Variants in SEL1L3 observed in about 807,000 individuals in gnomAD.
The protein encoded by SEL1L3 is protein sel-1 homolog 3.
A neutral mutation model predicts 142.8 loss-of-function variants in SEL1L3; 76 were observed. That is an observed-to-expected ratio of 0.53 (90% CI 0.44 to 0.64). The LOEUF (loss-of-function observed/expected upper bound fraction) is 0.64, where lower values mean the gene tolerates loss of function less well. Among genes scored for constraint, SEL1L3 ranks in the 30% least tolerant of loss-of-function variants. The pLI is 0.00. For synonymous variants in SEL1L3, 504 were observed against 519.6 expected (o/e 0.97, Z 0.41); for missense variants, 1,262 against 1,381.7 (o/e 0.91, Z 1.37).
At chr4:25,777,919 T>C (rs1719745877) in intron 16 of SEL1L3, 1 of 454,450 alleles carries the variant, frequency 2.2e-6, no homozygotes, top group Non-Finnish European at 4.4e-6. Flanking sequence ...GTAAATATCT[T>C]AAGCTTTGTG....
chr4:25,799,520 G>A (rs541753911), intron 11 of SEL1L3, among the ~76,000 whole-genome samples: 38 of 152,136 alleles, frequency 2.5e-4, no homozygotes, highest in Admixed American at 3.3e-4. Flanking sequence ...CTCAACATAC[G>A]GATTTTGGCA....
intron 6 of SEL1L3, among the ~76,000 whole-genome samples, chr4:25,823,279 G>A (rs1342788354): frequency 1.3e-5 from 2 of 152,210 alleles, no homozygotes; most frequent in Non-Finnish European, 2.9e-5. Flanking sequence ...ACTTTGGGAG[G>A]CCAAGGTGGG....
intron 1 of SEL1L3, among the ~76,000 whole-genome samples, chr4:25,856,085 C>T (rs181466888): frequency 1.5e-4 from 23 of 152,294 alleles, no homozygotes; most frequent in Admixed American, 1.4e-3. Flanking sequence ...GCTATTTGGT[C>T]CCTCTAGACC....
chr4:25,714,936 GA>G, the SEL1L3 span, among the ~76,000 whole-genome samples: 1 of 151,856 alleles, frequency 6.6e-6, no homozygotes. Context: ...ATCAGATCAG[GA>G]AAAAACCTAA....
At chr4:25,855,342 T>C (rs1717182966) in intron 1 of SEL1L3, among the ~76,000 whole-genome samples, 1 of 152,230 alleles carries the variant, frequency 6.6e-6, no homozygotes, top group Admixed American at 6.5e-5. Flanking sequence ...AGCTAAAAAT[T>C]TATCTGCATG....
intron 12 of SEL1L3, 129 bp downstream of exon 12, chr4:25,790,326 C>T: frequency 1.2e-6 from 1 of 865,654 alleles, no homozygotes; most frequent in Non-Finnish European, 1.9e-6. Flanking sequence ...CCCTATTGGA[C>T]ATGCAGTGTG....
chr4:25,858,998 G>A (rs1230126516), intron 1 of SEL1L3, among the ~76,000 whole-genome samples: 2 of 152,188 alleles, frequency 1.3e-5, no homozygotes, highest in Non-Finnish European at 2.9e-5. Flanking sequence ...GCCATCCTGA[G>A]ATTTATCTTT....
intron 5 of SEL1L3, among the ~76,000 whole-genome samples, chr4:25,832,023 A>G (rs551428103): frequency 5.7e-4 from 87 of 152,344 alleles, no homozygotes; most frequent in African/African-American, 1.8e-3. Context: ...CAACCAAGCT[A>G]TTATGGCCAT....
rs1435055429 is a variant in SEL1L3 at position 25,779,216 on chromosome 4, A to G, written c.2458-13T>C. ...CACCAGCTAAAGTCTGTAACAAGAGATGAACAAACATCGAGTCATCCTAGC... is the reference window on the plus strand; with the variant it reads ...CACCAGCTAAAGTCTGTAACAAGAGGTGAACAAACATCGAGTCATCCTAGC... On this transcript the variant is annotated splice_polypyrimidine_tract_variant and intron_variant, in intron 15 of 23. Coordinates refer to ENST00000399878, the MANE Select transcript of SEL1L3 (RefSeq NM_015187.5). 1.2e-6 allele frequency: 2 copies of G among 1,611,870 alleles called. No homozygotes were observed. Among genetic ancestry groups the G allele is most frequent in the Admixed American group, 1.7e-5 (1 of 59,846 alleles).
At chr4:25,846,871 C>T (rs1453126039) in intron 2 of SEL1L3, among the ~76,000 whole-genome samples, 7 of 144,190 alleles carry the variant, frequency 4.9e-5, no homozygotes, top group African/African-American at 1.6e-4. Context: ...TGAGATCTCG[C>T]CACTGCACTC....
At chr4:25,727,086 T>G in the SEL1L3 span, among the ~76,000 whole-genome samples, 1 of 61,508 alleles carries the variant, frequency 1.6e-5, no homozygotes, top group African/African-American at 9.5e-5. Context: ...GGAGTCTCGC[T>G]CTGTCACCCA....
At chr4:25,785,485 A>C (rs1365051983) in intron 13 of SEL1L3, among the ~76,000 whole-genome samples, 1 of 152,256 alleles carries the variant, frequency 6.6e-6, no homozygotes, top group Admixed American at 6.5e-5. Context: ...TCCAGGAACC[A>C]TGCAGGATAT....
intron 11 of SEL1L3, among the ~76,000 whole-genome samples, chr4:25,794,428 A>T (rs1032918634): frequency 6.6e-6 from 1 of 152,218 alleles, no homozygotes; most frequent in Non-Finnish European, 1.5e-5. Flanking sequence ...GGGGAAAAAA[A>T]GCTCAACATC....
Position 25,788,300 on chromosome 4 carries a change from A to G in SEL1L3, c.2141T>C (p.Ile714Thr). The part of the protein sequence containing the change: ...QGVAKNPEAA[I>T]EWYAKGALET... ...CAGGGCGCCCTTGGCGTACCACTCA[A>G]TTGCTGCTTCGGGATTCTTGGCCAC... The change falls in exon 13 of 24, where the codon ATT becomes ACT. Residue 714 changes from isoleucine (I) to threonine (T), a missense_variant. Transcript: ENST00000399878. The surrounding 1 kb of genome is among the most constrained non-coding windows in gnomAD (Gnocchi z 5.3). The G allele has an allele frequency of 6.2e-7, 1 of 1,613,886 alleles. No homozygotes were observed. The highest frequency in any genetic ancestry group is 8.5e-7 in the Non-Finnish European group (1 of 1,179,850).
intron 23 of SEL1L3, among the ~76,000 whole-genome samples, chr4:25,750,201 C>T (rs1326601781): frequency 1.5e-5 from 2 of 135,608 alleles, no homozygotes; most frequent in African/African-American, 2.9e-5. Context: ...TGTCACTGCA[C>T]ACCAGCCTGG....
chr4:25,779,124 A>C lies in SEL1L3; in HGVS notation c.2537T>G (p.Ile846Ser), dbSNP rs760519881. ...AGGGAATGTCTCCAGGTTGCCTGTGATATAGTAGAGAGAACACCACAAGGT... is the reference window on the plus strand; with the variant it reads ...AGGGAATGTCTCCAGGTTGCCTGTGCTATAGTAGAGAGAACACCACAAGGT... ...EGTLWCSLYY[I>S]TGNLETFPRD... The change falls in exon 16 of 24, where the codon ATC (isoleucine) becomes AGC (serine). Residue 846 changes from isoleucine (I) to serine (S), a missense_variant. This residue lies in a region of SEL1L3 where 435 missense variants were observed against 559.2 expected (regional missense o/e 0.78). Coordinates refer to ENST00000399878, the MANE Select transcript of SEL1L3 (RefSeq NM_015187.5). 6.2e-7 allele frequency: 1 copy of C among 1,613,632 alleles called. No homozygotes were observed. Among genetic ancestry groups the C allele is most frequent in the East Asian group, 2.2e-5 (1 of 44,864 alleles).
At chr4:25,733,544 T>TTTC in the SEL1L3 span, among the ~76,000 whole-genome samples, 1 of 138,220 alleles carries the variant, frequency 7.2e-6, no homozygotes. Context: ...TTTTTTGAGA[T>TTTC]GGAGTCTCAC....
chr4:25,750,918 A>G (rs1416351315), intron 23 of SEL1L3, among the ~76,000 whole-genome samples: 1 of 152,250 alleles, frequency 6.6e-6, no homozygotes, highest in Non-Finnish European at 1.5e-5. Context: ...CGTTGGTTTA[A>G]AACGTTACCT....
At chr4:25,720,656 T>A in the SEL1L3 span, 15 of 152,212 alleles carry the variant, frequency 9.9e-5, no homozygotes, top group Admixed American at 9.2e-4. Context: ...TGAGAAATGT[T>A]GATCCAATAA....
Sources: allele counts gnomAD v4.1 joint callset (sites outside exome capture counted in the v4.1 genomes callset), GRCh38; gene constraint gnomAD v4.1.1; regional missense constraint gnomAD v4.1.1; non-coding constraint Gnocchi (gnomAD v3.1); transcripts MANE v1.5; gene names NCBI Gene and HGNC (gene_info 2026-07-23, HGNC 2026-07-21).